DCAF6: variants seen among roughly 807,000 people sequenced by gnomAD.
DCAF6 encodes the protein DDB1- and CUL4-associated factor 6.
In DCAF6, 54 loss-of-function variants were observed where a neutral mutation model predicts 125.1. The ratio of observed to expected loss-of-function variants is 0.43; its 90% CI spans 0.35 to 0.54. The LOEUF (loss-of-function observed/expected upper bound fraction) is 0.54. Among genes scored for constraint, DCAF6 ranks in the 20% least tolerant of loss-of-function variants. The probability of loss-of-function intolerance (pLI) is 0.01; values close to 1 mark genes in which losing one functional copy is unlikely to be tolerated. For missense variants in DCAF6, 934 were observed against 1,161.7 expected (o/e 0.80, Z 2.85); for synonymous variants, 371 against 390.4 (o/e 0.95, Z 0.58).
intron 1 of DCAF6, among the ~76,000 whole-genome samples, chr1:167,947,484 CT>C (rs932020096): frequency 3.3e-5 from 5 of 151,928 alleles, no homozygotes; most frequent in African/African-American, 7.2e-5. Flanking sequence ...AATCTTTCTC[CT>C]TTTTGATGTA....
At chr1:168,040,245 G>A (rs1688354398) in intron 13 of DCAF6, among the ~76,000 whole-genome samples, 1 of 152,016 alleles carries the variant, frequency 6.6e-6, no homozygotes, top group Non-Finnish European at 1.5e-5. Context: ...ATCAGACCTA[G>A]TATGTTCAAG....
chr1:167,908,908 C>G, the DCAF6 span, among the ~76,000 whole-genome samples: 30 of 152,188 alleles, frequency 2.0e-4, no homozygotes, highest in Non-Finnish European at 3.8e-4. Flanking sequence ...TTTTAAAAAA[C>G]TTTTATTGAA....
intron 12 of DCAF6, among the ~76,000 whole-genome samples, chr1:168,028,474 G>A (rs1449106627): frequency 1.3e-5 from 2 of 152,106 alleles, no homozygotes; most frequent in African/African-American, 2.4e-5. Context: ...TGAAACTTAC[G>A]TCTGTAGGCA....
At position 168,043,091 on chromosome 1, in the gene DCAF6, T is replaced by C. The variant is rs749923949; in HGVS notation, c.1794T>C (p.Ser598=). The C allele has an allele frequency of 4.3e-6, 7 of 1,613,078 alleles. No homozygotes were observed. The highest frequency in any genetic ancestry group is 5.9e-6 in the Non-Finnish European group (7 of 1,179,408). The change falls in exon 14 of 22, where the codon TCT becomes TCC. Residue 598 remains serine (S), a synonymous_variant. Coordinates refer to ENST00000367840, the MANE Select transcript of DCAF6 (RefSeq NM_001198956.2). ...SHCKSEGQEE[S]FVPQSSVQPP... ...GCAAATCTGAGGGTCAGGAGGAATC[T>C]TTCGTCCCACAGAGCTCAGTGCAAC...
chr1:167,874,572 C>CATAATCG, the DCAF6 span, among the ~76,000 whole-genome samples: 2 of 152,266 alleles, frequency 1.3e-5, no homozygotes, highest in East Asian at 3.9e-4. Flanking sequence ...AACTATTTGG[C>CATAATCG]ACCCTTTGTC....
chr1:168,029,916 C>T (rs1160501929), intron 12 of DCAF6, among the ~76,000 whole-genome samples: 3 of 150,998 alleles, frequency 2.0e-5, no homozygotes, highest in Non-Finnish European at 4.4e-5. Flanking sequence ...GGAAGCGGAG[C>T]TTGCAGTGAG....
intron 5 of DCAF6, among the ~76,000 whole-genome samples, chr1:167,988,358 C>G (rs1280400072): frequency 6.6e-6 from 1 of 151,864 alleles, no homozygotes; most frequent in Non-Finnish European, 1.5e-5. Context: ...GATAGGAGGT[C>G]TTGCCATATT....
At chr1:168,003,119 T>C (rs67600256) in intron 8 of DCAF6, among the ~76,000 whole-genome samples, 31,462 of 152,084 alleles carry the variant, frequency 0.21, 3,890 homozygotes, top group Admixed American at 0.36. Context: ...AAACATCTCT[T>C]GTGATCAAAA....
chr1:168,011,842 A>T (rs996779671), intron 10 of DCAF6, among the ~76,000 whole-genome samples: 73 of 152,076 alleles, frequency 4.8e-4, no homozygotes, highest in Non-Finnish European at 7.2e-4. Flanking sequence ...GCGTGGTGGC[A>T]TGTGCCTGTA....
chr1:167,912,254 G>A, the DCAF6 span, among the ~76,000 whole-genome samples: 13 of 152,286 alleles, frequency 8.5e-5, no homozygotes, highest in South Asian at 8.3e-4. Context: ...ATTTTTTAAA[G>A]CATCTCCAGA....
chr1:167,893,767 G>A, the DCAF6 span: 1 of 809,464 alleles, frequency 1.2e-6, no homozygotes, highest in Non-Finnish European at 2.1e-6. Flanking sequence ...ACTAGTAGCT[G>A]CTGTTTTTTT....
chr1:168,042,977 A>G, intron 13 of DCAF6, 48 bp from the exon 14 acceptor site: 1 of 1,368,554 alleles, frequency 7.3e-7, no homozygotes. Flanking sequence ...CTAAAAGATC[A>G]TATTGATTAA....
chr1:167,929,994 C>A, the DCAF6 span, among the ~76,000 whole-genome samples: 1 of 152,194 alleles, frequency 6.6e-6, no homozygotes, highest in Admixed American at 6.5e-5. Flanking sequence ...AAACTAGATA[C>A]AAATCCTTAG....
chr1:167,906,081 AG>A, the DCAF6 span, among the ~76,000 whole-genome samples: 4 of 152,180 alleles, frequency 2.6e-5, no homozygotes, highest in African/African-American at 9.7e-5. Context: ...GGAACTTGTT[AG>A]TAGGTCATAT....
At chr1:167,916,427 G>A in the DCAF6 span, among the ~76,000 whole-genome samples, 3 of 152,226 alleles carry the variant, frequency 2.0e-5, no homozygotes, top group East Asian at 1.9e-4. Context: ...GGCTGGTCTC[G>A]AACTCCTGCC....
rs562231648 is a variant in DCAF6, at chr1:167,954,385, T to C, written c.159+2524T>C. Among the ~76,000 whole-genome samples, 12 of 152,354 alleles carry C rather than the reference T, an allele frequency of 7.9e-5. No homozygotes were observed. The South Asian group carries it at 2.3e-3, about 29-fold the overall frequency. ...CCAGCCTAATTACTTTTTGTTATTA[T>C]ATAATAACTTTAATTACTTTTGTGA... On this transcript the variant is annotated intron_variant, in intron 2 of 21. Coordinates refer to ENST00000367840, the MANE Select transcript of DCAF6 (RefSeq NM_001198956.2).
chr1:167,920,600 GC>G, the DCAF6 span: 2 of 1,613,872 alleles, frequency 1.2e-6, no homozygotes, highest in Admixed American at 3.3e-5. Flanking sequence ...TGCAGGTCTG[GC>G]CATATCAGCC....
chr1:167,952,795 A>G (rs773291697), intron 2 of DCAF6, among the ~76,000 whole-genome samples: 4 of 152,116 alleles, frequency 2.6e-5, no homozygotes, highest in Non-Finnish European at 5.9e-5. Context: ...TCTACTTAAC[A>G]TGTCCAGTTG....
the DCAF6 span, among the ~76,000 whole-genome samples, chr1:167,869,492 G>A: frequency 1.3e-5 from 2 of 152,192 alleles, no homozygotes; most frequent in African/African-American, 4.8e-5. Flanking sequence ...GGACAGAGAA[G>A]CGAAACTAAA....
Sources: allele counts gnomAD v4.1 joint callset (sites outside exome capture counted in the v4.1 genomes callset), GRCh38; gene constraint gnomAD v4.1.1; transcripts MANE v1.5; gene names NCBI Gene and HGNC (gene_info 2026-07-23, HGNC 2026-07-21).